The following GALNT14 variants were observed in gnomAD, a reference collection of about 807,000 sequenced individuals.
The protein encoded by GALNT14 is UDP-GalNAc:polypeptide N-acetylgalactosaminyltransferase 14.
In GALNT14, 60 loss-of-function variants were observed where a neutral mutation model predicts 77.5. The observed-to-expected ratio is 0.77, with a 90% CI of 0.63 to 0.96. GALNT14 has a LOEUF of 0.96. GALNT14 is among the 40% of genes least tolerant of loss of function. The pLI is 0.00. For synonymous variants in GALNT14, 280 were observed against 281.7 expected, an observed-to-expected ratio of 0.99 and a Z score of 0.06; for missense variants, 710 against 731.0, an observed-to-expected ratio of 0.97 and a Z score of 0.33.
chr2:30,993,605 C>T (rs1002261687), intron 1 of GALNT14, among the ~76,000 whole-genome samples: 6 of 152,326 alleles, frequency 3.9e-5, no homozygotes, highest in Middle Eastern at 3.4e-3. Flanking sequence ...TTCCTCCTAC[C>T]CAGGAATCTG....
intron 1 of GALNT14, among the ~76,000 whole-genome samples, chr2:31,036,510 G>A (rs968776996): frequency 6.6e-6 from 1 of 152,136 alleles, no homozygotes; most frequent in Non-Finnish European, 1.5e-5. Flanking sequence ...TTATGTGGCT[G>A]TCTTTTAAGT....
chr2:30,947,057 C>A lies in GALNT14; in HGVS notation c.655-1187G>T, dbSNP rs1168726982. ...GAAGAAGCTTCACCCAGCCCATCAACCAGACCAAATCCTGCTGGTTCTAAC... is the reference window on the plus strand; with the variant it reads ...GAAGAAGCTTCACCCAGCCCATCAAACAGACCAAATCCTGCTGGTTCTAAC... On this transcript the variant is annotated intron_variant, in intron 6 of 14. Transcript: ENST00000349752. Among the ~76,000 whole-genome samples, 5 of 152,320 alleles carry A rather than the reference C, an allele frequency of 3.3e-5. No homozygotes were observed. The East Asian group carries it at 9.6e-4, about 29-fold the overall frequency.
the GALNT14 span, among the ~76,000 whole-genome samples, chr2:30,888,222 G>C: frequency 6.6e-6 from 1 of 152,198 alleles, no homozygotes; most frequent in Non-Finnish European, 1.5e-5. Flanking sequence ...GACTGAGCTA[G>C]CTTGCTGCTG....
intron 1 of GALNT14, among the ~76,000 whole-genome samples, chr2:31,104,691 C>T (rs1677464934): frequency 6.6e-6 from 1 of 152,180 alleles, no homozygotes; most frequent in African/African-American, 2.4e-5. Context: ...ACAGACCTTT[C>T]CTTCTGTAGA....
At chr2:31,069,509 T>G (rs1004514472) in intron 1 of GALNT14, among the ~76,000 whole-genome samples, 5 of 152,216 alleles carry the variant, frequency 3.3e-5, no homozygotes, top group South Asian at 4.1e-4. Context: ...ATGGAGTCTC[T>G]GAGAGGTTGA....
At chr2:31,072,639 C>T (rs151183485) in intron 1 of GALNT14, among the ~76,000 whole-genome samples, 1 of 152,246 alleles carries the variant, frequency 6.6e-6, no homozygotes, top group Admixed American at 6.5e-5. Flanking sequence ...AAATGTGACA[C>T]AGGCATCTCT....
At chr2:31,019,407 T>C (rs528516260) in intron 1 of GALNT14, among the ~76,000 whole-genome samples, 31 of 152,286 alleles carry the variant, frequency 2.0e-4, no homozygotes, top group Admixed American at 8.5e-4. Flanking sequence ...GACACCTAAC[T>C]CACCTGCCCC....
Position 31,057,186 on chromosome 2 carries a change from C to A in GALNT14, c.130-64179G>T, listed in dbSNP as rs1037796037. ...GAAAAACTAACTATTCGGTACTATG[C>A]TCATTACCTGGGTGATGGAATCATT... is the stretch of plus-strand genomic sequence containing the variant. On this transcript the variant is annotated intron_variant, in intron 1 of 14. Transcript: ENST00000349752. Among the ~76,000 whole-genome samples the A allele has an allele frequency of 7.3e-5, 11 of 151,316 alleles. No individual in the cohort carries two copies. The East Asian group carries it at 2.1e-3, about 29-fold the overall frequency.
At chr2:31,067,479 C>A (rs1675054819) in intron 1 of GALNT14, among the ~76,000 whole-genome samples, 1 of 151,996 alleles carries the variant, frequency 6.6e-6, no homozygotes, top group Admixed American at 6.6e-5. Flanking sequence ...CTCTTCTGAG[C>A]CGGTTTTGTG....
intron 1 of GALNT14, among the ~76,000 whole-genome samples, chr2:31,014,286 G>C (rs1213980959): frequency 1.3e-5 from 2 of 152,180 alleles, no homozygotes; most frequent in Admixed American, 6.5e-5. Context: ...AAAAGGCAAG[G>C]GGGTACCCAT....
chr2:31,084,779 C>T (rs1271299671), intron 1 of GALNT14, among the ~76,000 whole-genome samples: 2 of 152,180 alleles, frequency 1.3e-5, no homozygotes, highest in Admixed American at 6.5e-5. Flanking sequence ...AATCCCAGCA[C>T]TTTGGGAGGC....
At chr2:30,931,122 T>A (rs1167560492) in intron 10 of GALNT14, among the ~76,000 whole-genome samples, 1 of 152,224 alleles carries the variant, frequency 6.6e-6, no homozygotes, top group Non-Finnish European at 1.5e-5. Context: ...CCTGCTGATT[T>A]TCTTATCACC....
At chr2:31,042,214 T>A (rs1224217703) in intron 1 of GALNT14, among the ~76,000 whole-genome samples, 1 of 152,202 alleles carries the variant, frequency 6.6e-6, no homozygotes, top group East Asian at 1.9e-4. Context: ...CTTTAAATAG[T>A]TAGCTCCCCT....
At chr2:31,030,369 A>G (rs1403759500) in intron 1 of GALNT14, among the ~76,000 whole-genome samples, 1 of 152,186 alleles carries the variant, frequency 6.6e-6, no homozygotes, top group African/African-American at 2.4e-5. Context: ...TGATTTTGCT[A>G]AACATACCAT....
At chr2:31,005,794 A>T (rs1292455136) in intron 1 of GALNT14, among the ~76,000 whole-genome samples, 1 of 152,216 alleles carries the variant, frequency 6.6e-6, no homozygotes, top group East Asian at 1.9e-4. Context: ...ATCTCACACG[A>T]GTTTGAGCAC....
intron 1 of GALNT14, among the ~76,000 whole-genome samples, chr2:31,098,131 C>G (rs1348644952): frequency 6.6e-6 from 1 of 152,140 alleles, no homozygotes; most frequent in East Asian, 1.9e-4. Context: ...TGATCCAGAT[C>G]CATACATATT....
At chr2:30,906,033 G>A (rs1283154601), downstream of GALNT14, among the ~76,000 whole-genome samples, 3 of 150,102 alleles carry the variant, frequency 2.0e-5, no homozygotes, top group East Asian at 5.9e-4. Context: ...TCACCACCAG[G>A]CCTGCCCTAA....
chr2:31,059,505 T>G (rs1047690335), intron 1 of GALNT14, among the ~76,000 whole-genome samples: 4 of 152,064 alleles, frequency 2.6e-5, no homozygotes, highest in African/African-American at 9.7e-5. Context: ...CCTTAGGTCA[T>G]GGGGGAGGAA....
chr2:30,929,497 C>T lies in GALNT14; in HGVS notation c.1059-10G>A. The stretch of plus-strand genomic sequence containing the variant: ...TGTCCGCTTGGTGTTCCTGGGAAAA[C>T]AAGGAGTGACAAGGGGTGTCAGTAA... On this transcript the variant is annotated splice_polypyrimidine_tract_variant and intron_variant, in intron 10 of 14. Transcript: ENST00000349752. The T allele has an allele frequency of 6.2e-7, 1 of 1,602,850 alleles. No individual in the cohort carries two copies. Among genetic ancestry groups the T allele is most frequent in the African/African-American group, 1.3e-5 (1 of 74,836 alleles).
Sources: gnomAD v4.1 joint callset for allele counts (sites outside exome capture counted in the v4.1 genomes callset) on GRCh38, gnomAD v4.1.1 for gene constraint, MANE v1.5 for transcripts, NCBI Gene and HGNC (gene_info 2026-07-23, HGNC 2026-07-21) for gene names.